Variants in MEGF11 observed in about 807,000 individuals in gnomAD.
MEGF11 encodes multiple epidermal growth factor-like domains protein 11.
In MEGF11, 126 loss-of-function variants were observed where a neutral mutation model predicts 146.6. The ratio of observed to expected loss-of-function variants is 0.86; its 90% confidence interval spans 0.74 to 1.00. The LOEUF is 1.00. Among genes scored for constraint, MEGF11 ranks in the 50% least tolerant of loss-of-function variants. The pLI is 0.00. For missense variants in MEGF11, 1,509 were observed against 1,521.2 expected, an observed-to-expected ratio of 0.99 and a Z score of 0.13; for synonymous variants, 532 against 583.4, an observed-to-expected ratio of 0.91 and a Z score of 1.27.
chr15:66,041,614 T>C (rs543448483), intron 5 of MEGF11, among the ~76,000 whole-genome samples: 70 of 152,378 alleles, frequency 4.6e-4, no homozygotes, highest in African/African-American at 1.6e-3. Context: ...GCAGGCCATT[T>C]CTTTGTATGC....
intron 1 of MEGF11, among the ~76,000 whole-genome samples, chr15:66,209,122 G>A (rs1225827005): frequency 1.3e-5 from 2 of 152,048 alleles, no homozygotes; most frequent in Non-Finnish European, 2.9e-5. Flanking sequence ...AGGCTGAGGC[G>A]GGTGGACCAC....
intron 1 of MEGF11, among the ~76,000 whole-genome samples, chr15:66,178,265 C>T (rs181812317): frequency 2.6e-5 from 4 of 152,294 alleles, no homozygotes; most frequent in Non-Finnish European, 5.9e-5. Context: ...TGATTACAAG[C>T]GTGAGCCACT....
chr15:66,134,494 T>C (rs1038406582), intron 1 of MEGF11, among the ~76,000 whole-genome samples: 16 of 146,884 alleles, frequency 1.1e-4, no homozygotes, highest in Admixed American at 2.0e-4. Context: ...ACTCCTGGCC[T>C]TCTCAGCCAC....
intron 5 of MEGF11, among the ~76,000 whole-genome samples, chr15:66,011,677 G>T (rs779719806): frequency 1.3e-5 from 2 of 151,612 alleles, no homozygotes; most frequent in Non-Finnish European, 2.9e-5. Context: ...TGCATGTAGC[G>T]CCCACAGTGC....
intron 10 of MEGF11, among the ~76,000 whole-genome samples, chr15:65,936,322 T>G (rs2079786061): frequency 1.3e-5 from 2 of 152,184 alleles, no homozygotes; most frequent in Admixed American, 1.3e-4. Context: ...GCCTGTGAGC[T>G]CCGTGGGGAT....
In MEGF11 at chr15:66,250,403, G is replaced by A. The variant is rs114628159; in HGVS notation, c.-9+3202C>T. 5.5e-3 allele frequency among the ~76,000 whole-genome samples: 839 copies of A among 152,298 alleles called. 6 individuals carry two copies. Among genetic ancestry groups the A allele is most frequent in the African/African-American group, 0.019 (794 of 41,558 alleles). Reference sequence around the variant, plus strand: ...CAGACATTGTTGTGTATTTGCCTCTGTTCTACGACTAAACTTTAAGCCTAT... The same window carrying A: ...CAGACATTGTTGTGTATTTGCCTCTATTCTACGACTAAACTTTAAGCCTAT... On this transcript the variant is annotated intron_variant, in intron 1 of 25. Coordinates refer to ENST00000395614, the MANE Select transcript of MEGF11 (RefSeq NM_001385028.1).
intron 5 of MEGF11, among the ~76,000 whole-genome samples, chr15:66,091,216 A>T (rs1197071495): frequency 6.6e-6 from 1 of 152,206 alleles, no homozygotes; most frequent in Non-Finnish European, 1.5e-5. Context: ...AAAGACCCTA[A>T]GGCACTGCAG....
chr15:65,993,723 G>T (rs182089598), intron 5 of MEGF11, among the ~76,000 whole-genome samples: 1 of 152,224 alleles, frequency 6.6e-6, no homozygotes, highest in East Asian at 1.9e-4. Context: ...GGCTCTGAGG[G>T]AAATGAATTC....
At chr15:65,945,382 G>T (rs925494376) in intron 10 of MEGF11, among the ~76,000 whole-genome samples, 3 of 152,162 alleles carry the variant, frequency 2.0e-5, no homozygotes, top group Non-Finnish European at 4.4e-5. Flanking sequence ...GGGCAGACCT[G>T]GTGTGGGGCT....
intron 13 of MEGF11, among the ~76,000 whole-genome samples, chr15:65,926,798 T>A (rs975460852): frequency 6.6e-6 from 1 of 152,236 alleles, no homozygotes; most frequent in Non-Finnish European, 1.5e-5. Flanking sequence ...ATTAAAATCT[T>A]AATTGGCTCA....
intron 1 of MEGF11, among the ~76,000 whole-genome samples, chr15:66,131,911 T>C (rs1032071919): frequency 1.3e-5 from 2 of 152,118 alleles, no homozygotes; most frequent in African/African-American, 4.8e-5. Context: ...TCTGCTCCCC[T>C]CCCTCAACAC....
intron 1 of MEGF11, among the ~76,000 whole-genome samples, chr15:66,181,933 T>C (rs781270784): frequency 2.6e-5 from 4 of 152,164 alleles, no homozygotes; most frequent in Non-Finnish European, 5.9e-5. Flanking sequence ...CCTAGAGGAA[T>C]GTCCCCTTGG....
intron 5 of MEGF11, among the ~76,000 whole-genome samples, chr15:65,993,074 C>T (rs532235770): frequency 1.6e-4 from 25 of 152,324 alleles, no homozygotes; most frequent in Admixed American, 2.0e-4. Context: ...GTGCTGATCA[C>T]GGAGGCTGAT....
intron 9 of MEGF11, among the ~76,000 whole-genome samples, chr15:65,963,925 G>A (rs1446382341): frequency 1.3e-5 from 2 of 152,340 alleles, no homozygotes; most frequent in South Asian, 2.1e-4. Flanking sequence ...AGTCCTGGCC[G>A]TCCCAGCGAC....
At chr15:66,161,338 T>C (rs1197511358) in intron 1 of MEGF11, among the ~76,000 whole-genome samples, 4 of 152,140 alleles carry the variant, frequency 2.6e-5, no homozygotes, top group Non-Finnish European at 4.4e-5. Context: ...GAGTACCCTG[T>C]GGCAGGAAAC....
At chr15:65,989,051 C>T (rs986844124) in intron 5 of MEGF11, among the ~76,000 whole-genome samples, 1 of 152,194 alleles carries the variant, frequency 6.6e-6, no homozygotes, top group Admixed American at 6.5e-5. Flanking sequence ...GAGATCTACC[C>T]ATGGCCATTC....
chr15:65,936,303 C>G (rs146098767), intron 10 of MEGF11, among the ~76,000 whole-genome samples: 6 of 152,172 alleles, frequency 3.9e-5, no homozygotes, highest in Non-Finnish European at 7.3e-5. Flanking sequence ...GTGCCTTCCT[C>G]CACCTTAGGC....
At chr15:66,117,711 C>G (rs187705465) in intron 4 of MEGF11, among the ~76,000 whole-genome samples, 9 of 151,762 alleles carry the variant, frequency 5.9e-5, no homozygotes, top group Non-Finnish European at 1.2e-4. Flanking sequence ...AGAGCAGCAG[C>G]AGGAAAGCCT....
intron 13 of MEGF11, 80 bp from the exon 14 acceptor site, chr15:65,923,049 A>G (rs2079233202): frequency 1.4e-6 from 2 of 1,472,506 alleles, no homozygotes; most frequent in African/African-American, 1.4e-5. Flanking sequence ...GGGACAGTGC[A>G]GTATGAAGAG....
Sources: gnomAD v4.1 joint callset for allele counts (sites outside exome capture counted in the v4.1 genomes callset) on GRCh38, gnomAD v4.1.1 for gene constraint, MANE v1.5 for transcripts, NCBI Gene and HGNC (gene_info 2026-07-23, HGNC 2026-07-21) for gene names.